Variants in KCNAB2 observed in about 807,000 individuals in gnomAD.
KCNAB2 encodes voltage-gated potassium channel subunit beta-2.
Under a neutral mutation model 63.6 loss-of-function variants are expected in KCNAB2, and 29 were observed. That is an observed-to-expected ratio of 0.46 (90% CI 0.34 to 0.62). The LOEUF (loss-of-function observed/expected upper bound fraction) is 0.62, where lower values mean the gene tolerates loss of function less well. KCNAB2 is among the 20% of genes least tolerant of loss of function. KCNAB2 has a pLI of 0.01. For missense variants in KCNAB2, 359 were observed against 563.9 expected, an observed-to-expected ratio of 0.64 and a Z score of 3.68; for synonymous variants, 222 against 224.2, an observed-to-expected ratio of 0.99 and a Z score of 0.09.
At chr1:6,077,860 C>T (rs1663810229) in intron 4 of KCNAB2, among the ~76,000 whole-genome samples, 1 of 152,248 alleles carries the variant, frequency 6.6e-6, no homozygotes, top group Non-Finnish European at 1.5e-5. Context: ...AAGACACCGT[C>T]TCCAGTGGTC....
rs1663360117 is a variant in KCNAB2, at chr1:6,073,136, G to C, written c.262+338G>C. ...GCAACGAAGACACCTTACCTTCCAAGGCAGGCTCAGCTCGTGAGTCCCTCC... is the reference window on the plus strand; with the variant it reads ...GCAACGAAGACACCTTACCTTCCAACGCAGGCTCAGCTCGTGAGTCCCTCC... On this transcript the variant is annotated intron_variant, in intron 3 of 15. Coordinates refer to ENST00000378083, the MANE Select transcript of KCNAB2 (RefSeq NM_001199862.2). This position sits in a 1 kb window ranked among gnomAD's most constrained non-coding sequence, Gnocchi z 5.7. Among the ~76,000 whole-genome samples the C allele has an allele frequency of 6.6e-6, 1 of 152,148 alleles. No homozygotes were observed. Among genetic ancestry groups the C allele is most frequent in the African/African-American group, 2.4e-5 (1 of 41,418 alleles).
At chr1:6,030,623 GTGTA>G (rs1480893033), upstream of KCNAB2, among the ~76,000 whole-genome samples, 1 of 150,408 alleles carries the variant, frequency 6.6e-6, no homozygotes, top group African/African-American at 2.5e-5. Context: ...GTAGGTATGT[GTGTA>G]TGTGTGTGTA....
At chr1:6,052,462 G>A (rs1338952118) in intron 2 of KCNAB2, among the ~76,000 whole-genome samples, 2 of 152,146 alleles carry the variant, frequency 1.3e-5, no homozygotes, top group East Asian at 1.9e-4. Context: ...ATTCTCCATG[G>A]GGTAAAAATG....
At chr1:6,072,687 C>A in intron 2 of KCNAB2, 68 bp from the exon 3 acceptor site, 1 of 1,541,246 alleles carries the variant, frequency 6.5e-7, no homozygotes, top group Non-Finnish European at 9.0e-7. Context: ...CTGGCCCTGG[C>A]GGGAACTGAG....
intron 1 of KCNAB2, among the ~76,000 whole-genome samples, chr1:6,047,721 G>A (rs1252841197): frequency 9.9e-5 from 15 of 152,204 alleles, no homozygotes; most frequent in Admixed American, 9.8e-4. Flanking sequence ...GTGGGCACTG[G>A]TCAGGGGGCA....
intron 1 of KCNAB2, among the ~76,000 whole-genome samples, chr1:6,048,974 G>A (rs1053550350): frequency 4.6e-5 from 7 of 152,230 alleles, no homozygotes; most frequent in Admixed American, 6.5e-5. Context: ...CGATTCTCCT[G>A]GAAGGCAGAC....
intron 1 of KCNAB2, among the ~76,000 whole-genome samples, chr1:6,005,430 T>TGGGGTGAC: frequency 0.014 from 26 of 1,818 alleles, 10 homozygotes; most frequent in Non-Finnish European, 0.018. Flanking sequence ...AGTTGTGGGT[T>TGGGGTGAC]GTGTGAGCTG....
In KCNAB2 at chr1:6,003,011, T is replaced by G. The variant is rs1268464612; in HGVS notation, c.-53+10223T>G. ...CCCGGGTGAGAACAGGTCCTAGACC[T>G]TGTCTCAGGTCACACAGCTACCAGA... On this transcript the variant is annotated intron_variant, in intron 1 of 16. Coordinates refer to the KCNAB2 transcript ENST00000341524. This position sits in a 1 kb window ranked among gnomAD's most constrained non-coding sequence, Gnocchi z 4.1. Among the ~76,000 whole-genome samples the G allele has an allele frequency of 6.6e-6, 1 of 152,220 alleles. No homozygotes were observed.
chr1:6,069,992 T>A lies in KCNAB2; in HGVS notation c.219-2763T>A, dbSNP rs1191556800. Among the ~76,000 whole-genome samples, 1 of 152,136 alleles carries A rather than the reference T, an allele frequency of 6.6e-6. No individual in the cohort carries two copies. The highest frequency in any genetic ancestry group is 1.9e-4 in the East Asian group (1 of 5,182). ...GGGCAGGGGCACCTTTTGCCAGCCC[T>A]CCCCAAACTGGTGACCAAGGGGTGC... is the stretch of plus-strand genomic sequence containing the variant. On this transcript the variant is annotated intron_variant, in intron 2 of 15. Coordinates refer to ENST00000378083, the MANE Select transcript of KCNAB2 (RefSeq NM_001199862.2). The surrounding 1 kb of genome is among the most constrained non-coding windows in gnomAD (Gnocchi z 5.4).
chr1:6,062,170 C>T (rs1212427072), intron 2 of KCNAB2, among the ~76,000 whole-genome samples: 2 of 152,074 alleles, frequency 1.3e-5, no homozygotes, highest in Non-Finnish European at 2.9e-5. Context: ...AAAAATTAGC[C>T]GAGCGCGGTG....
chr1:6,005,927 CA>C lies in KCNAB2; in HGVS notation c.-53+13140del, dbSNP rs1358273376. Among the ~76,000 whole-genome samples, 82 of 111,536 alleles carry C rather than the reference CA, an allele frequency of 7.4e-4. 2 individuals carry two copies. Among genetic ancestry groups the C allele is most frequent in the African/African-American group, 2.8e-3 (70 of 25,366 alleles). The allele number at this position is 111,536 out of a possible 152,430, so 73.2% of individuals were successfully genotyped here. On this transcript the variant is annotated intron_variant, in intron 1 of 16. Coordinates refer to the KCNAB2 transcript ENST00000341524. ...CCTCAGCTCAGCTCCCACATCCCCC[CA>C]CTCCACCCTCACCCCTCAGCTCAGC...
intron 6 of KCNAB2, chr1:6,085,872 G>A: frequency 1.0e-6 from 1 of 987,124 alleles, no homozygotes; most frequent in East Asian, 1.1e-4. Context: ...CCAGCTCAGG[G>A]CGGGACGTGT....
intron 1 of KCNAB2, among the ~76,000 whole-genome samples, chr1:6,001,296 CCACACACACACACA>C (rs56828069): frequency 3.4e-5 from 5 of 146,956 alleles, no homozygotes; most frequent in Non-Finnish European, 7.5e-5. Flanking sequence ...CATGTGATCA[CCACACACACACACA>C]CACACACACA....
In KCNAB2 at chr1:6,086,137, T is replaced by A; in HGVS notation, c.425+889T>A. 1 of 985,398 alleles carries A rather than the reference T, an allele frequency of 1.0e-6. No homozygotes were observed. Among genetic ancestry groups the A allele is most frequent in the Non-Finnish European group, 1.2e-6 (1 of 829,928 alleles). The allele number at this position is 985,398 out of a possible 1,614,324, so 61.0% of individuals were successfully genotyped here. A position where few individuals can be genotyped will look rare whatever the true frequency, so the allele number is the denominator to read the frequency against. On this transcript the variant is annotated intron_variant, in intron 6 of 15. Transcript: ENST00000378083. The surrounding 1 kb of genome is among the most constrained non-coding windows in gnomAD (Gnocchi z 4.2). ...CAAGCCCCGGGGCCCTGTTCCTTAA[T>A]AAATGCGTCTTTATTTTCAGAAACA... is the stretch of plus-strand genomic sequence containing the variant.
intron 5 of KCNAB2, among the ~76,000 whole-genome samples, chr1:6,084,526 A>G (rs995781201): frequency 6.6e-6 from 1 of 152,230 alleles, no homozygotes; most frequent in African/African-American, 2.4e-5. Flanking sequence ...CTTTGAAAAA[A>G]GATACTTGTC....
intron 15 of KCNAB2, chr1:6,097,638 C>A (rs1329606139): frequency 1.7e-6 from 1 of 586,030 alleles, no homozygotes; most frequent in Non-Finnish European, 3.0e-6. Context: ...GGGACGGTGG[C>A]GCTGCAGACT....
intron 4 of KCNAB2, among the ~76,000 whole-genome samples, chr1:6,079,713 G>T (rs1002922100): frequency 6.6e-5 from 10 of 152,164 alleles, no homozygotes; most frequent in Admixed American, 4.6e-4. Context: ...GGGGCTGGAG[G>T]CAGGGAGCGG....
intron 1 of KCNAB2, among the ~76,000 whole-genome samples, chr1:6,048,105 A>G (rs1295085): frequency 0.71 from 107,301 of 152,102 alleles, 38,270 homozygotes; most frequent in African/African-American, 0.81. Flanking sequence ...CCCCAAACTC[A>G]GCCTTCCACC....
Position 6,078,371 on chromosome 1 carries a change from T to C in KCNAB2, c.301-3824T>C, listed in dbSNP as rs376505192. Among the ~76,000 whole-genome samples, 762 of 152,038 alleles carry C rather than the reference T, an allele frequency of 5.0e-3. 11 individuals carry two copies. Among genetic ancestry groups the C allele is most frequent in the African/African-American group, 0.018 (736 of 41,416 alleles). On this transcript the variant is annotated intron_variant, in intron 4 of 15. Coordinates refer to ENST00000378083, the MANE Select transcript of KCNAB2 (RefSeq NM_001199862.2). The surrounding 1 kb of genome is among the most constrained non-coding windows in gnomAD (Gnocchi z 4.2). ...TCTACCTAAGGTCACATTCCCAGGT[T>C]CCAGGGACGTGATACCTTTGGAGAA...
Sources: allele counts gnomAD v4.1 joint callset (sites outside exome capture counted in the v4.1 genomes callset), GRCh38; gene constraint gnomAD v4.1.1; non-coding constraint Gnocchi (gnomAD v3.1); transcripts MANE v1.5; gene names NCBI Gene and HGNC (gene_info 2026-07-23, HGNC 2026-07-21).